The following CCDC88A variants were observed in gnomAD, a reference collection of about 807,000 sequenced individuals.
The protein encoded by CCDC88A is girdin.
Under a neutral mutation model 234.3 loss-of-function variants are expected in CCDC88A, and 54 were observed. That is an observed-to-expected ratio of 0.23 (90% CI 0.19 to 0.29). CCDC88A has a LOEUF of 0.29. Among genes scored for constraint, CCDC88A ranks in the 10% least tolerant of loss-of-function variants. CCDC88A has a pLI of 1.00. For synonymous variants in CCDC88A, 753 were observed against 737.8 expected (o/e 1.02, Z -0.33); for missense variants, 1,832 against 2,123.4 (o/e 0.86, Z 2.70).
intron 8 of CCDC88A, among the ~76,000 whole-genome samples, chr2:55,351,070 A>G (rs1669811238): frequency 6.6e-6 from 1 of 152,184 alleles, no homozygotes; most frequent in East Asian, 1.9e-4. Flanking sequence ...GCTCATTACT[A>G]TACATAAAAT....
chr2:55,302,596 C>T (rs1469505008), intron 26 of CCDC88A: 1 of 159,988 alleles, frequency 6.3e-6, no homozygotes. Flanking sequence ...TATGTAACTA[C>T]CCATGCCACA....
At chr2:55,333,583 C>T (rs898483974) in intron 15 of CCDC88A, among the ~76,000 whole-genome samples, 1 of 152,054 alleles carries the variant, frequency 6.6e-6, no homozygotes, top group Non-Finnish European at 1.5e-5. Context: ...TTTAATGTTT[C>T]TGAACCTCAG....
chr2:55,373,889 T>C (rs1311163725), intron 4 of CCDC88A, among the ~76,000 whole-genome samples: 1 of 152,290 alleles, frequency 6.6e-6, no homozygotes, highest in South Asian at 2.1e-4. Flanking sequence ...TTGGATAACA[T>C]GTAGACTGTA....
At position 55,289,236 on chromosome 2, in the gene CCDC88A, CT is replaced by C. The variant is rs1266680466; in HGVS notation, c.*1963del. On this transcript the variant is annotated 3_prime_UTR_variant, in exon 33 of 33. Transcript: ENST00000436346. ...TACATCACCACCCATTAAATTTCAG[CT>C]TTTCAGTAATTGTTCTGGGATGTGT... 3 of 152,614 alleles carry C rather than the reference CT, an allele frequency of 2.0e-5. No homozygotes were observed. Among genetic ancestry groups the C allele is most frequent in the African/African-American group, 7.2e-5 (3 of 41,458 alleles). 9.5% of individuals were successfully genotyped at this position (152,614 alleles called of 1,614,324 possible).
intron 19 of CCDC88A, 89 bp downstream of exon 19, chr2:55,318,754 A>C (rs1181876407): frequency 5.6e-6 from 6 of 1,065,914 alleles, no homozygotes; most frequent in African/African-American, 1.6e-5. Context: ...TCATTCACTA[A>C]GAAACAATGT....
intron 4 of CCDC88A, among the ~76,000 whole-genome samples, chr2:55,372,936 C>T (rs1673054570): frequency 6.6e-6 from 1 of 152,144 alleles, no homozygotes; most frequent in African/African-American, 2.4e-5. Flanking sequence ...AAACACAGAT[C>T]TTATGATTCA....
chr2:55,375,561 T>C (rs1018816381), intron 3 of CCDC88A, among the ~76,000 whole-genome samples: 1 of 147,806 alleles, frequency 6.8e-6, no homozygotes, highest in African/African-American at 2.5e-5. Flanking sequence ...GGAGTCTCGC[T>C]CTGTCAGCCT....
chr2:55,345,182 T>C (rs1668943959), intron 10 of CCDC88A, among the ~76,000 whole-genome samples: 1 of 152,200 alleles, frequency 6.6e-6, no homozygotes, highest in African/African-American at 2.4e-5. Flanking sequence ...AGTCTTTAAA[T>C]AACTGGCAAA....
At chr2:55,351,389 C>T (rs1669869879) in intron 8 of CCDC88A, among the ~76,000 whole-genome samples, 1 of 151,974 alleles carries the variant, frequency 6.6e-6, no homozygotes, top group African/African-American at 2.4e-5. Flanking sequence ...ACTCTGTTAC[C>T]CAGGCTAGAG....
chr2:55,401,133 G>GGGAAAA (rs1263077046), intron 2 of CCDC88A, among the ~76,000 whole-genome samples: 1 of 151,588 alleles, frequency 6.6e-6, no homozygotes, highest in Non-Finnish European at 1.5e-5. Context: ...GTGGTTTTAA[G>GGGAAAA]GGAAAAAATG....
At chr2:55,295,540 T>C (rs758438490) in intron 31 of CCDC88A, 57 bp downstream of exon 31, 6 of 1,613,934 alleles carry the variant, frequency 3.7e-6, no homozygotes, top group South Asian at 1.1e-5. Flanking sequence ...CAAGAACCTA[T>C]AGTATGTGTT....
In CCDC88A at chr2:55,389,597, T is replaced by C. The variant is rs1369522388; in HGVS notation, c.165-711A>G. 3.9e-5 allele frequency among the ~76,000 whole-genome samples: 6 copies of C among 152,204 alleles called. No homozygotes were observed. The East Asian group carries it at 9.6e-4, about 24-fold the overall frequency. ...TCCATTGCATTCCTAATGCCTTCAG[T>C]TCCTTCCCTAAACAGATTAGAATCT... On this transcript the variant is annotated intron_variant, in intron 2 of 32. Coordinates refer to ENST00000436346, the MANE Select transcript of CCDC88A (RefSeq NM_001365480.1).
intron 2 of CCDC88A, among the ~76,000 whole-genome samples, chr2:55,399,059 T>C (rs1384285682): frequency 1.3e-5 from 2 of 152,080 alleles, no homozygotes; most frequent in African/African-American, 4.8e-5. Context: ...ACTAAACCTG[T>C]GTTAACTATA....
intron 2 of CCDC88A, among the ~76,000 whole-genome samples, chr2:55,401,504 A>G (rs60549279): frequency 0.06 from 7 of 116 alleles, 1 homozygote; most frequent in African/African-American, 0.19. Flanking sequence ...GTATACATAT[A>G]TATATATATA....
chr2:55,399,689 T>C (rs1402110533), intron 2 of CCDC88A: 1 of 152,216 alleles, frequency 6.6e-6, no homozygotes, highest in Non-Finnish European at 1.5e-5. Context: ...ATGAAACCTA[T>C]TTCATTTACC....
At chr2:55,406,276 A>C (rs982834620) in intron 2 of CCDC88A, 1 of 152,224 alleles carries the variant, frequency 6.6e-6, no homozygotes, top group African/African-American at 2.4e-5. Context: ...GGGAAAAATT[A>C]AGTTAACCTT....
intron 23 of CCDC88A, among the ~76,000 whole-genome samples, chr2:55,310,757 A>G (rs1000059306): frequency 6.6e-6 from 1 of 152,228 alleles, no homozygotes; most frequent in African/African-American, 2.4e-5. Flanking sequence ...AACAGCATAC[A>G]GCCTACATTT....
chr2:55,360,979 C>T (rs916534533), intron 7 of CCDC88A, among the ~76,000 whole-genome samples: 2 of 152,140 alleles, frequency 1.3e-5, no homozygotes, highest in Non-Finnish European at 2.9e-5. Context: ...ATCCCAGCTA[C>T]TTGGGAGGCT....
chr2:55,310,059 G>A (rs1412673391), intron 23 of CCDC88A, among the ~76,000 whole-genome samples: 1 of 152,130 alleles, frequency 6.6e-6, no homozygotes, highest in African/African-American at 2.4e-5. Context: ...AGGCTGAAAA[G>A]GAAAGATAAG....
Sources: gnomAD v4.1 joint callset for allele counts (sites outside exome capture counted in the v4.1 genomes callset) on GRCh38, gnomAD v4.1.1 for gene constraint, MANE v1.5 for transcripts, NCBI Gene and HGNC (gene_info 2026-07-23, HGNC 2026-07-21) for gene names.